Variants in DDHD1 observed in about 807,000 individuals in gnomAD.
The protein encoded by DDHD1 is phospholipase DDHD1.
DDHD1 carries 49 observed loss-of-function variants against 96.4 expected under a neutral mutation model. The observed-to-expected ratio is 0.51, with a 90% confidence interval of 0.40 to 0.64. The LOEUF (loss-of-function observed/expected upper bound fraction) is 0.64, where lower values mean the gene tolerates loss of function less well. DDHD1 is among the 30% of genes least tolerant of loss of function. DDHD1 has a pLI of 0.00. For missense variants in DDHD1, 1,106 were observed against 1,161.2 expected (o/e 0.95, Z 0.69); for synonymous variants, 442 against 446.5 (o/e 0.99, Z 0.13).
Position 53,037,145 on chromosome 14 carries a change from A to G in DDHD1, c.*9623T>C, listed in dbSNP as rs2139776645. On this transcript the variant is annotated 3_prime_UTR_variant, in exon 13 of 13. Coordinates refer to ENST00000673822, the MANE Select transcript of DDHD1 (RefSeq NM_001160148.2). ...GGCTGCCTAATACTCCATGATTTAT[A>G]TGTACCACATTTTCTTTATCCAGTC... 6.6e-6 allele frequency: 1 copy of G among 152,244 alleles called. No individual in the cohort carries two copies. The highest frequency in any genetic ancestry group is 2.1e-4 in the South Asian group (1 of 4,818). 9.4% of individuals were successfully genotyped at this position (152,244 alleles called of 1,614,324 possible).
chr14:53,057,285 T>A (rs1435924345), intron 9 of DDHD1, among the ~76,000 whole-genome samples: 1 of 152,192 alleles, frequency 6.6e-6, no homozygotes, highest in Non-Finnish European at 1.5e-5. Flanking sequence ...TTAAAATAGT[T>A]TAATATTTAG....
At chr14:53,068,526 C>T (rs1884242731) in intron 6 of DDHD1, among the ~76,000 whole-genome samples, 1 of 152,126 alleles carries the variant, frequency 6.6e-6, no homozygotes, top group African/African-American at 2.4e-5. Flanking sequence ...GCTGGGATTA[C>T]AGGCGTGTGC....
intron 2 of DDHD1, among the ~76,000 whole-genome samples, chr14:53,100,667 C>A (rs1369489268): frequency 6.6e-6 from 1 of 152,028 alleles, no homozygotes; most frequent in Non-Finnish European, 1.5e-5. Context: ...AACCAAACAG[C>A]CAAGGTCAGA....
At chr14:53,138,687 G>A (rs910453887) in intron 1 of DDHD1, among the ~76,000 whole-genome samples, 2 of 152,136 alleles carry the variant, frequency 1.3e-5, no homozygotes, top group African/African-American at 4.8e-5. Flanking sequence ...GAAGACATCA[G>A]ATGCCATACA....
At position 53,041,831 on chromosome 14, in the gene DDHD1, T is replaced by G. The variant is rs897342262; in HGVS notation, c.*4937A>C. 1.3e-5 allele frequency: 2 copies of G among 151,978 alleles called. No individual in the cohort carries two copies. The highest frequency in any genetic ancestry group is 1.5e-5 in the Non-Finnish European group (1 of 68,006). The allele number at this position is 151,978 out of a possible 1,614,324, so 9.4% of individuals were successfully genotyped here. On this transcript the variant is annotated 3_prime_UTR_variant, in exon 13 of 13. Coordinates refer to ENST00000673822, the MANE Select transcript of DDHD1 (RefSeq NM_001160148.2). ...TCAAGCCTACGGCCATGTGTCAGAT[T>G]AAAGCTTGCTGATGCTTTAATCTGA... is the stretch of plus-strand genomic sequence containing the variant.
intron 12 of DDHD1, among the ~76,000 whole-genome samples, chr14:53,049,249 T>C (rs1029306598): frequency 4.6e-5 from 7 of 152,196 alleles, no homozygotes; most frequent in African/African-American, 1.4e-4. Flanking sequence ...TATCCTTCCA[T>C]ATTTATCTAC....
rs369417227 is a variant in DDHD1, at chr14:53,087,139, G to A, written c.1289+4646C>T. Among the ~76,000 whole-genome samples, 48 of 152,118 alleles carry A rather than the reference G, an allele frequency of 3.2e-4. 2 individuals carry two copies. In the Middle Eastern group the frequency reaches 0.01, roughly 32 times the overall value. ...CCTAAATATATATGCACCTAATACA[G>A]GAGCACCCAGATTCATAAAGGAAGT... On this transcript the variant is annotated intron_variant, in intron 4 of 12. Transcript: ENST00000673822.
chr14:53,106,938 G>C (rs927722964), intron 1 of DDHD1, among the ~76,000 whole-genome samples: 1 of 152,062 alleles, frequency 6.6e-6, no homozygotes, highest in Non-Finnish European at 1.5e-5. Flanking sequence ...AGTATGTTAG[G>C]TCTTCTTTTG....
At position 53,068,663 on chromosome 14, in the gene DDHD1, TCTC is replaced by T. The variant is rs555487660; in HGVS notation, c.1503+3931_1503+3933del. Among the ~76,000 whole-genome samples the T allele has an allele frequency of 5.3e-5, 8 of 152,332 alleles. No homozygotes were observed. The South Asian group carries it at 1.7e-3, about 32-fold the overall frequency. ...GTCAGAATACTGTAAAGTGATGTGT[TCTC>T]CTGTGTGTGTCACATCCAGAGGTGC... On this transcript the variant is annotated intron_variant, in intron 6 of 12. Transcript: ENST00000673822.
intron 6 of DDHD1, among the ~76,000 whole-genome samples, chr14:53,068,341 T>G: frequency 7.2e-6 from 1 of 139,364 alleles, no homozygotes. Context: ...CCTCCCAGGC[T>G]CAAGCAGTCC....
chr14:53,146,843 T>C (rs1176738065), intron 1 of DDHD1, among the ~76,000 whole-genome samples: 1 of 152,200 alleles, frequency 6.6e-6, no homozygotes, highest in Non-Finnish European at 1.5e-5. Context: ...AAATTTTTCC[T>C]TGTTCTACTT....
rs1218483146 is a variant in DDHD1, at chr14:53,046,603, GA to G, written c.*164del. On this transcript the variant is annotated 3_prime_UTR_variant, in exon 13 of 13. Transcript: ENST00000673822. ...AACTGTAAATGACTTCTTCAGAACT[GA>G]AAACTTCTTTTTTTTTTAAATAAAG... The G allele has an allele frequency of 2.2e-6, 1 of 456,414 alleles. No individual in the cohort carries two copies. Among genetic ancestry groups the G allele is most frequent in the Admixed American group, 4.3e-5 (1 of 23,258 alleles). The allele number at this position is 456,414 out of a possible 1,614,324, so 28.3% of individuals were successfully genotyped here. A position where few individuals can be genotyped will look rare whatever the true frequency, so the allele number is the denominator to read the frequency against.
At chr14:53,086,911 C>G (rs1192275810) in intron 4 of DDHD1, among the ~76,000 whole-genome samples, 4 of 139,000 alleles carry the variant, frequency 2.9e-5, no homozygotes, top group Non-Finnish European at 6.1e-5. Flanking sequence ...ATCTCACATG[C>G]AGACACACAC....
At chr14:53,118,595 G>C (rs1003814980) in intron 1 of DDHD1, among the ~76,000 whole-genome samples, 1 of 152,052 alleles carries the variant, frequency 6.6e-6, no homozygotes, top group Non-Finnish European at 1.5e-5. Flanking sequence ...AATAAAACAA[G>C]AAGAGAAGTT....
At chr14:53,109,097 T>C (rs1349595693) in intron 1 of DDHD1, among the ~76,000 whole-genome samples, 3 of 152,170 alleles carry the variant, frequency 2.0e-5, no homozygotes, top group Non-Finnish European at 4.4e-5. Flanking sequence ...GGTGGAGTTG[T>C]TGGGTGGGGG....
At chr14:53,108,039 G>A (rs988017802) in intron 1 of DDHD1, among the ~76,000 whole-genome samples, 7 of 152,148 alleles carry the variant, frequency 4.6e-5, no homozygotes, top group African/African-American at 1.7e-4. Flanking sequence ...CTTTGTATGG[G>A]AGCTCTGTTT....
intron 3 of DDHD1, chr14:53,092,182 A>G (rs943445984): frequency 2.8e-5 from 8 of 290,142 alleles, no homozygotes; most frequent in Non-Finnish European, 4.4e-5. Flanking sequence ...TGAATATATA[A>G]AAATTTAAAG....
chr14:53,066,517 A>C (rs1222420365), intron 6 of DDHD1, among the ~76,000 whole-genome samples: 1 of 152,202 alleles, frequency 6.6e-6, no homozygotes, highest in Non-Finnish European at 1.5e-5. Flanking sequence ...CCTCACAAAT[A>C]AACCAAACAA....
rs934337855 is a variant in DDHD1 at position 53,082,773 on chromosome 14, A to G, written c.1290-8926T>C. 4.0e-5 allele frequency among the ~76,000 whole-genome samples: 6 copies of G among 151,662 alleles called. 1 individual carries two copies. Among genetic ancestry groups the G allele is most frequent in the African/African-American group, 1.2e-4 (5 of 41,156 alleles). On this transcript the variant is annotated intron_variant, in intron 4 of 12. Transcript: ENST00000673822. Reference sequence around the variant, plus strand: ...GACTCTATCTCAAAAAAAAAAAAAAAAAGACATGGGGTCTTGCTTCATTGT... The same window carrying G: ...GACTCTATCTCAAAAAAAAAAAAAAGAAGACATGGGGTCTTGCTTCATTGT...
Sources: allele counts gnomAD v4.1 joint callset (sites outside exome capture counted in the v4.1 genomes callset), GRCh38; gene constraint gnomAD v4.1.1; transcripts MANE v1.5; gene names NCBI Gene and HGNC (gene_info 2026-07-23, HGNC 2026-07-21).